Variants in BPIFA2 observed in about 807,000 individuals in gnomAD.
BPIFA2 encodes BPI fold containing family A member 2, also known as BPI fold-containing family A member 2.
A neutral mutation model predicts 25.7 loss-of-function variants in BPIFA2; 20 were observed. The observed-to-expected ratio is 0.78, with a 90% CI of 0.55 to 1.13. The LOEUF is 1.13. Ranked by LOEUF, BPIFA2 falls within the 50% of genes most tolerant of loss-of-function variation. BPIFA2 has a pLI of 0.00. For synonymous variants in BPIFA2, 126 were observed against 124.3 expected (o/e 1.01, Z -0.09); for missense variants, 300 against 298.1 (o/e 1.01, Z -0.05).
chr20:33,168,970 C>A (rs1326245303), intron 1 of BPIFA2, among the ~76,000 whole-genome samples, 161 bp from the exon 2 acceptor site: 2 of 152,174 alleles, frequency 1.3e-5, no homozygotes, highest in Non-Finnish European at 2.9e-5. Context: ...TGTCTCCGGG[C>A]AAGTTGCTGT....
In BPIFA2 at chr20:33,180,653, C is replaced by T. The variant is rs921685449; in HGVS notation, c.*37+56C>T. ...CAGGGGCCTATGGTGAAGTAAAAGT[C>T]AAGCGTGGCTTCCCTTATTTTTGTG... On this transcript the variant is annotated intron_variant, in intron 8 of 8. Transcript: ENST00000354932. 60 of 1,400,832 alleles carry T rather than the reference C, an allele frequency of 4.3e-5. 2 individuals carry two copies. The South Asian group carries it at 6.0e-4, about 14-fold the overall frequency. 86.8% of individuals were successfully genotyped at this position (1,400,832 alleles called of 1,614,324 possible).
upstream of BPIFA2, among the ~76,000 whole-genome samples, chr20:33,167,142 C>T (rs1019968485): frequency 6.6e-6 from 1 of 152,196 alleles, no homozygotes; most frequent in Non-Finnish European, 1.5e-5. Context: ...CTTGTCCCAC[C>T]GTTTGCTTGG....
At chr20:33,165,965 A>G (rs1983710967), upstream of BPIFA2, among the ~76,000 whole-genome samples, 1 of 152,024 alleles carries the variant, frequency 6.6e-6, no homozygotes, top group Non-Finnish European at 1.5e-5. Context: ...AGGACCCTAT[A>G]TTATATATTA....
chr20:33,176,452 A>C (rs529493897), intron 5 of BPIFA2, among the ~76,000 whole-genome samples: 1 of 152,158 alleles, frequency 6.6e-6, no homozygotes, highest in East Asian at 1.9e-4. Flanking sequence ...AGCAGAGGAC[A>C]CTCCACTCGC....
Position 33,178,156 on chromosome 20 carries a change from AATC to A in BPIFA2, c.578_580del (p.Ile193del). On this transcript the variant is annotated inframe_deletion, in exon 6 of 9. Coordinates refer to ENST00000354932, the MANE Select transcript of BPIFA2 (RefSeq NM_080574.4). ...TCCCTGTGTTTTCCAGACACAGCCA[AATC>A]ATCAACAAGTTCGTGAATAGCGTGA... The A allele has an allele frequency of 6.2e-7, 1 of 1,603,908 alleles. No homozygotes were observed. The highest frequency in any genetic ancestry group is 8.5e-7 in the Non-Finnish European group (1 of 1,172,524).
At chr20:33,180,880 G>C (rs1984255960) in intron 8 of BPIFA2, among the ~76,000 whole-genome samples, 1 of 152,168 alleles carries the variant, frequency 6.6e-6, no homozygotes, top group African/African-American at 2.4e-5. Flanking sequence ...CACAGAATGA[G>C]CCCCAACCTT....
intron 7 of BPIFA2, 77 bp from the exon 8 acceptor site, chr20:33,180,443 C>A (rs886700310): frequency 2.0e-6 from 3 of 1,485,216 alleles, no homozygotes; most frequent in Non-Finnish European, 1.9e-6. Flanking sequence ...GGCTGGAGAG[C>A]GGCATCTTTT....
At chr20:33,167,691 G>A (rs1983765866), upstream of BPIFA2, among the ~76,000 whole-genome samples, 1 of 93,722 alleles carries the variant, frequency 1.1e-5, no homozygotes, top group African/African-American at 4.0e-5. Flanking sequence ...ACCCCTGGGA[G>A]GCTGTCTGAC....
At chr20:33,166,945 A>T (rs1195393284), upstream of BPIFA2, among the ~76,000 whole-genome samples, 1 of 152,108 alleles carries the variant, frequency 6.6e-6, no homozygotes, top group African/African-American at 2.4e-5. Context: ...CGTTTGGAGA[A>T]CCCGGTGTCA....
upstream of BPIFA2, among the ~76,000 whole-genome samples, chr20:33,164,404 G>A (rs576247521): frequency 6.6e-6 from 1 of 152,264 alleles, no homozygotes; most frequent in East Asian, 1.9e-4. Flanking sequence ...ATGCCCATGA[G>A]GGGAACCAGA....
rs550587323 is a variant in BPIFA2 at position 33,173,014 on chromosome 20, A to G, written c.240A>G (p.Glu80=). 5.0e-6 allele frequency: 8 copies of G among 1,614,150 alleles called. No individual in the cohort carries two copies. The South Asian group carries it at 7.7e-5, about 16-fold the overall frequency. The change falls in exon 3 of 9, where the codon GAA becomes GAG. Residue 80 remains glutamate, a synonymous_variant. Coordinates refer to ENST00000354932, the MANE Select transcript of BPIFA2 (RefSeq NM_080574.4). The part of the protein sequence containing the change: ...AWQLAKQKAQ[E]AEKLLNNVIS... The stretch of plus-strand genomic sequence containing the variant: ...AACTGGCCAAGCAGAAGGCCCAGGA[A>G]GCTGAGAAATTGCTGAACAATGTCA...
chr20:33,168,657 C>A (rs376252150), intron 1 of BPIFA2, among the ~76,000 whole-genome samples: 77 of 152,296 alleles, frequency 5.1e-4, no homozygotes, highest in African/African-American at 1.7e-3. Flanking sequence ...ACAGTCCTTC[C>A]TCTAAGGAGT....
intron 6 of BPIFA2, among the ~76,000 whole-genome samples, chr20:33,179,385 G>A (rs1600603919): frequency 6.7e-6 from 1 of 149,320 alleles, no homozygotes; most frequent in Non-Finnish European, 1.5e-5. Context: ...AGCAGAAATC[G>A]TACCACTGTA....
rs1460440082 is a variant in BPIFA2 at position 33,181,256 on chromosome 20, T to G, written c.*70T>G. ...CCCAGTGGCTTGCCCCACCCCCTTA[T>G]AGCATCTCCCTCCAGGAAGCTGCTG... On this transcript the variant is annotated 3_prime_UTR_variant, in exon 9 of 9. Coordinates refer to ENST00000354932, the MANE Select transcript of BPIFA2 (RefSeq NM_080574.4). 1 of 152,310 alleles carries G rather than the reference T, an allele frequency of 6.6e-6. No homozygotes were observed. The highest frequency in any genetic ancestry group is 1.5e-5 in the Non-Finnish European group (1 of 68,160). The allele number at this position is 152,310 out of a possible 1,614,324, so 9.4% of individuals were successfully genotyped here.
upstream of BPIFA2, among the ~76,000 whole-genome samples, chr20:33,163,714 C>T (rs374155813): frequency 8.5e-5 from 13 of 152,162 alleles, no homozygotes; most frequent in South Asian, 2.1e-4. Context: ...CCCAGCTACT[C>T]GGGCGGCTGA....
intron 5 of BPIFA2, among the ~76,000 whole-genome samples, chr20:33,177,149 G>A (rs1600602527): frequency 6.6e-6 from 1 of 152,180 alleles, no homozygotes; most frequent in Non-Finnish European, 1.5e-5. Flanking sequence ...GAGGTCAGGA[G>A]TTCAAGACCA....
chr20:33,179,604 A>G lies in BPIFA2; in HGVS notation c.646A>G (p.Ile216Val), dbSNP rs867201242. 6.2e-7 allele frequency: 1 copy of G among 1,609,176 alleles called. No homozygotes were observed. Among genetic ancestry groups the G allele is most frequent in the African/African-American group, 1.3e-5 (1 of 74,690 alleles). ...STVSSLLQKE[I>V]CPLIRIFIHS... ...CTCTTCCTCCTTTCTCCGCTGTCAG[A>G]TATGTCCACTGATCCGCATCTTCAT... Residue 216 changes from isoleucine to valine, a missense_variant and splice_region_variant, in exon 7 of 9, where the codon ATA (isoleucine) becomes GTA (valine). Physicochemically the swap from Ile to Val is conservative, Grantham distance 29 (BLOSUM62 3). Coordinates refer to ENST00000354932, the MANE Select transcript of BPIFA2 (RefSeq NM_080574.4).
chr20:33,180,337 G>A (rs1452816663), intron 7 of BPIFA2, among the ~76,000 whole-genome samples, 183 bp from the exon 8 acceptor site: 1 of 152,154 alleles, frequency 6.6e-6, no homozygotes, highest in East Asian at 1.9e-4. Flanking sequence ...AACCCTGTGG[G>A]GAAGGTACTG....
upstream of BPIFA2, among the ~76,000 whole-genome samples, chr20:33,167,405 C>T (rs1246585472): frequency 6.6e-6 from 1 of 152,192 alleles, no homozygotes; most frequent in African/African-American, 2.4e-5. Flanking sequence ...TCCCTCTCTG[C>T]TAACTGACCT....
Sources: allele counts gnomAD v4.1 joint callset (sites outside exome capture counted in the v4.1 genomes callset), GRCh38; gene constraint gnomAD v4.1.1; transcripts MANE v1.5; gene names NCBI Gene and HGNC (gene_info 2026-07-23, HGNC 2026-07-21).